The following GRB10 variants were observed in gnomAD, a reference collection of about 807,000 sequenced individuals.
GRB10 encodes the protein growth factor receptor-bound protein 10.
In GRB10, 20 loss-of-function variants were observed where a neutral mutation model predicts 80.9. That is an observed-to-expected ratio of 0.25 (90% CI 0.17 to 0.36). The LOEUF is 0.36. Ranked by LOEUF, GRB10 falls within the 10% of genes least tolerant of loss-of-function variation. GRB10 has a pLI of 1.00. For missense variants in GRB10, 548 were observed against 747.7 expected (o/e 0.73, Z 3.12); for synonymous variants, 291 against 291.5 (o/e 1.00, Z 0.02).
chr7:50,612,967 G>A (rs914051003), intron 12 of GRB10, 128 bp from the exon 13 acceptor site: 1 of 714,416 alleles, frequency 1.4e-6, no homozygotes, highest in South Asian at 1.5e-5. Flanking sequence ...AAGGAGCACA[G>A]CAGATACACA....
intron 3 of GRB10, among the ~76,000 whole-genome samples, chr7:50,735,482 CTGGCTAAGATTG>C (rs1382784195): frequency 2.6e-5 from 4 of 152,100 alleles, no homozygotes; most frequent in Non-Finnish European, 5.9e-5. Flanking sequence ...TGTGAGCAAG[CTGGCTAAGATTG>C]AAAGGGGATG....
chr7:50,645,469 G>A (rs1009275240), intron 7 of GRB10: 38 of 344,212 alleles, frequency 1.1e-4, no homozygotes, highest in Non-Finnish European at 1.5e-4. Context: ...AGAAACATGA[G>A]CCAAAAACAC....
intron 7 of GRB10, among the ~76,000 whole-genome samples, chr7:50,666,964 C>G (rs2059876607): frequency 6.8e-6 from 1 of 147,238 alleles, no homozygotes; most frequent in Non-Finnish European, 1.5e-5. Context: ...GGCGTGAACC[C>G]AGGAGGCAGA....
intron 5 of GRB10, among the ~76,000 whole-genome samples, chr7:50,692,671 C>G (rs1014433142): frequency 2.0e-5 from 3 of 152,062 alleles, no homozygotes; most frequent in African/African-American, 7.2e-5. Context: ...GACTTCAGAC[C>G]AGGCAGTATA....
intron 3 of GRB10, among the ~76,000 whole-genome samples, chr7:50,755,445 G>C (rs754807640): frequency 2.6e-4 from 40 of 152,232 alleles, no homozygotes; most frequent in Non-Finnish European, 5.3e-4. Context: ...TCAGCAACAA[G>C]GCACAGGTCA....
chr7:50,606,608 A>T (rs547203335), intron 13 of GRB10, 194 bp from the exon 14 acceptor site: 215 of 608,476 alleles, frequency 3.5e-4, no homozygotes, highest in Non-Finnish European at 6.0e-4. Context: ...TTGAAATAAA[A>T]AATCCGAGTA....
At chr7:50,775,312 GAATA>G (rs559316684) in intron 2 of GRB10, among the ~76,000 whole-genome samples, 10 of 152,310 alleles carry the variant, frequency 6.6e-5, no homozygotes, top group Non-Finnish European at 1.3e-4. Context: ...TAAGGCTGGA[GAATA>G]AATCTTTGGT....
At chr7:50,769,772 C>G (rs561022519) in intron 2 of GRB10, among the ~76,000 whole-genome samples, 7 of 152,088 alleles carry the variant, frequency 4.6e-5, no homozygotes, top group African/African-American at 1.4e-4. Context: ...CTGCAACACC[C>G]TTCTCTCCTC....
chr7:50,787,178 G>C (rs1447099770), upstream of GRB10, among the ~76,000 whole-genome samples: 1 of 152,150 alleles, frequency 6.6e-6, no homozygotes, highest in African/African-American at 2.4e-5. Flanking sequence ...ACAAGAGTGA[G>C]TGTAGGGTGG....
chr7:50,683,281 G>C (rs986696395), intron 5 of GRB10, among the ~76,000 whole-genome samples: 2 of 152,208 alleles, frequency 1.3e-5, no homozygotes, highest in Non-Finnish European at 2.9e-5. Flanking sequence ...AGAGATAGTG[G>C]AATGGTGGTG....
intron 3 of GRB10, among the ~76,000 whole-genome samples, chr7:50,753,762 A>AT (rs1400760053): frequency 6.6e-6 from 1 of 152,240 alleles, no homozygotes; most frequent in East Asian, 1.9e-4. Flanking sequence ...TTTTGTTTCA[A>AT]TGCCATGTCC....
chr7:50,686,884 AAT>A (rs2062159687), intron 5 of GRB10, among the ~76,000 whole-genome samples: 1 of 152,200 alleles, frequency 6.6e-6, no homozygotes, highest in Non-Finnish European at 1.5e-5. Flanking sequence ...CTTACGTTTT[AAT>A]AATTTTCTTT....
intron 5 of GRB10, among the ~76,000 whole-genome samples, chr7:50,675,149 G>A (rs1023667100): frequency 2.6e-5 from 4 of 152,206 alleles, no homozygotes; most frequent in African/African-American, 9.7e-5. Flanking sequence ...GCCCAGAAAG[G>A]TTAAGTAGGG....
Position 50,604,663 on chromosome 7 carries a change from G to A in GRB10, c.1390-286C>T, listed in dbSNP as rs374606937. On this transcript the variant is annotated intron_variant, in intron 15 of 18. Coordinates refer to ENST00000401949, the MANE Select transcript of GRB10 (RefSeq NM_001350814.2). ...AACGCCATGAACATCCTGGTAAATC[G>A]CAGGAGAAACACACAAGCCTTTCTA... Among the ~76,000 whole-genome samples the A allele has an allele frequency of 2.0e-4, 30 of 152,284 alleles. 1 individual carries two copies. The South Asian group carries it at 3.3e-3, about 17-fold the overall frequency.
intron 3 of GRB10, among the ~76,000 whole-genome samples, chr7:50,734,891 G>C (rs2070520984): frequency 6.6e-6 from 1 of 152,146 alleles, no homozygotes; most frequent in South Asian, 2.1e-4. Context: ...CCTGAGATCA[G>C]GAACAAGACA....
At chr7:50,598,853 T>C (rs916573750) in intron 17 of GRB10, among the ~76,000 whole-genome samples, 3 of 152,100 alleles carry the variant, frequency 2.0e-5, no homozygotes, top group Admixed American at 1.3e-4. Flanking sequence ...TGGAGGGGCA[T>C]GAAGTGCAGA....
At chr7:50,686,484 G>A (rs1306627259) in intron 5 of GRB10, among the ~76,000 whole-genome samples, 2 of 152,198 alleles carry the variant, frequency 1.3e-5, no homozygotes, top group Non-Finnish European at 2.9e-5. Flanking sequence ...AATTATTTTT[G>A]AGGTGCCTTC....
chr7:50,729,457 C>T (rs999358512), intron 4 of GRB10: 1 of 152,018 alleles, frequency 6.6e-6, no homozygotes, highest in Non-Finnish European at 1.5e-5. Flanking sequence ...GTGCATAATT[C>T]CTTCTTCAAA....
At chr7:50,732,039 ACAGT>A (rs1319311749) in intron 4 of GRB10, among the ~76,000 whole-genome samples, 1 of 152,240 alleles carries the variant, frequency 6.6e-6, no homozygotes, top group Non-Finnish European at 1.5e-5. Context: ...AAAAGTACGC[ACAGT>A]CAAACGGGAA....
Sources: allele counts gnomAD v4.1 joint callset (sites outside exome capture counted in the v4.1 genomes callset), GRCh38; gene constraint gnomAD v4.1.1; transcripts MANE v1.5; gene names NCBI Gene and HGNC (gene_info 2026-07-23, HGNC 2026-07-21).